The following ENTPD6 variants were observed in gnomAD, a reference collection of about 807,000 sequenced individuals.
The protein encoded by ENTPD6 is CD39 antigen-like 2.
In ENTPD6, 46 loss-of-function variants were observed where a neutral mutation model predicts 61.5. The ratio of observed to expected loss-of-function variants is 0.75; its 90% CI spans 0.59 to 0.96. The LOEUF (loss-of-function observed/expected upper bound fraction) is 0.96, where lower values mean the gene tolerates loss of function less well. ENTPD6 is among the 40% of genes least tolerant of loss of function. ENTPD6 has a pLI of 0.00. For missense variants in ENTPD6, 612 were observed against 629.0 expected (o/e 0.97, Z 0.29); for synonymous variants, 252 against 255.5 (o/e 0.99, Z 0.13).
chr20:25,209,549 C>T (rs574467765), intron 3 of ENTPD6, among the ~76,000 whole-genome samples: 12 of 147,120 alleles, frequency 8.2e-5, no homozygotes, highest in African/African-American at 3.0e-4. Context: ...AAGAGCCCTT[C>T]TCTTTAAAAA....
chr20:25,212,378 G>A (rs896421614), intron 4 of ENTPD6, among the ~76,000 whole-genome samples: 4 of 152,166 alleles, frequency 2.6e-5, no homozygotes, highest in African/African-American at 7.2e-5. Context: ...GAGATCGCCC[G>A]TGAGGATTGG....
chr20:25,207,533 G>A (rs2091609668), intron 3 of ENTPD6, 136 bp downstream of exon 3: 1 of 777,186 alleles, frequency 1.3e-6, no homozygotes, highest in Non-Finnish European at 1.9e-6. Context: ...GTATGGGCTG[G>A]GGTCCAAGCA....
chr20:25,225,075 C>T (rs536808294), intron 13 of ENTPD6, 130 bp from the exon 14 acceptor site: 25 of 1,416,514 alleles, frequency 1.8e-5, no homozygotes, highest in South Asian at 2.8e-5. Flanking sequence ...CGCTCAGCTG[C>T]GGCCTTGTCT....
rs891949302 is a variant in ENTPD6, at chr20:25,196,059, G to C, written c.-16+192G>C. ...GATGTCTGGGCTCCGCTGACCGGTG[G>C]GGGGCAAGTCCAGTGTTTTGGGCCA... On this transcript the variant is annotated intron_variant, in intron 1 of 14. Transcript: ENST00000376652. 3.6e-5 allele frequency: 33 copies of C among 908,482 alleles called. No homozygotes were observed. In the East Asian group the frequency reaches 1.0e-3, roughly 28 times the overall value. 56.3% of individuals were successfully genotyped at this position (908,482 alleles called of 1,614,324 possible).
intron 5 of ENTPD6, among the ~76,000 whole-genome samples, chr20:25,214,447 C>G (rs2092192836): frequency 6.6e-6 from 1 of 152,214 alleles, no homozygotes; most frequent in Non-Finnish European, 1.5e-5. Flanking sequence ...GTTTGGAGCC[C>G]AGCAGGCCCA....
At chr20:25,213,674 G>A (rs2092129081) in intron 5 of ENTPD6, among the ~76,000 whole-genome samples, 1 of 152,212 alleles carries the variant, frequency 6.6e-6, no homozygotes. Context: ...TGTGGGCCGG[G>A]CATGGTGGCT....
chr20:25,205,359 A>C (rs564167578), intron 1 of ENTPD6, among the ~76,000 whole-genome samples: 1 of 152,286 alleles, frequency 6.6e-6, no homozygotes, highest in South Asian at 2.1e-4. Context: ...ACACGGTGCC[A>C]GTGTGGTGGG....
chr20:25,225,710 C>T lies in ENTPD6; in HGVS notation c.*113C>T. The T allele has an allele frequency of 1.2e-6, 1 of 841,248 alleles. No individual in the cohort carries two copies. The highest frequency in any genetic ancestry group is 1.9e-6 in the Non-Finnish European group (1 of 522,412). The allele number at this position is 841,248 out of a possible 1,614,324, so 52.1% of individuals were successfully genotyped here. On this transcript the variant is annotated 3_prime_UTR_variant, in exon 15 of 15. Coordinates refer to ENST00000376652, the MANE Select transcript of ENTPD6 (RefSeq NM_001247.5). ...ACAGCACAGGCCGTGCTGGCACTTT[C>T]TGCACACTGGCTCTGGGACTTGCAG...
At chr20:25,208,939 C>T (rs191579456) in intron 3 of ENTPD6, among the ~76,000 whole-genome samples, 71 of 151,680 alleles carry the variant, frequency 4.7e-4, no homozygotes, top group East Asian at 2.3e-3. Flanking sequence ...TTTTTTGAGA[C>T]GGAGTCTCGC....
intron 4 of ENTPD6, among the ~76,000 whole-genome samples, chr20:25,210,279 A>G (rs2122863851): frequency 1.3e-5 from 2 of 152,346 alleles, no homozygotes; most frequent in Middle Eastern, 6.8e-3. Context: ...TAGTCTTGTG[A>G]ATTTTGCATA....
At chr20:25,203,359 T>A (rs2091195423) in intron 1 of ENTPD6, among the ~76,000 whole-genome samples, 1 of 152,268 alleles carries the variant, frequency 6.6e-6, no homozygotes, top group African/African-American at 2.4e-5. Context: ...TTCACATAAT[T>A]TCTCTGCCCC....
At chr20:25,202,802 G>A (rs2122562720) in intron 1 of ENTPD6, among the ~76,000 whole-genome samples, 1 of 152,296 alleles carries the variant, frequency 6.6e-6, no homozygotes. Context: ...ATTAAGTAGT[G>A]TTGCAGACCA....
chr20:25,224,773 A>C (rs138329305), intron 13 of ENTPD6: 1 of 177,924 alleles, frequency 5.6e-6, no homozygotes, highest in East Asian at 1.5e-4. Flanking sequence ...CAACTACAGC[A>C]GGAAAAGGCT....
At chr20:25,196,231 C>T in intron 1 of ENTPD6, 1 of 1,132,364 alleles carries the variant, frequency 8.8e-7, no homozygotes, top group South Asian at 4.4e-5. Context: ...GGGGAAGCTT[C>T]GCGTAGCAGT....
At chr20:25,218,708 C>A in intron 10 of ENTPD6, 94 bp downstream of exon 10, 2 of 1,317,354 alleles carry the variant, frequency 1.5e-6, no homozygotes, top group Non-Finnish European at 2.1e-6. Context: ...ACCAGCTTGG[C>A]CCTGCAGGAG....
At chr20:25,206,625 C>T (rs564296045) in intron 2 of ENTPD6, 35 bp downstream of exon 2, 57 of 1,518,208 alleles carry the variant, frequency 3.8e-5, no homozygotes, top group South Asian at 2.5e-4. Context: ...GCCCAAGGGA[C>T]GGAGTTTAAA....
chr20:25,197,253 C>G, intron 1 of ENTPD6: 1 of 985,158 alleles, frequency 1.0e-6, no homozygotes, highest in South Asian at 4.7e-5. Flanking sequence ...ATCTAGAAAG[C>G]CAACCAGGGG....
rs6138542 is a variant in ENTPD6, at chr20:25,227,137, C to G, written c.*1540C>G. Reference sequence around the variant, plus strand: ...CGAGTGCTTGTGCCTGAAGCCCCCCCCAACCAACTGTCACAGGAGGACAGG... The same window carrying G: ...CGAGTGCTTGTGCCTGAAGCCCCCCGCAACCAACTGTCACAGGAGGACAGG... On this transcript the variant is annotated 3_prime_UTR_variant, in exon 15 of 15. Coordinates refer to ENST00000376652, the MANE Select transcript of ENTPD6 (RefSeq NM_001247.5). 1.2e-4 allele frequency among the ~76,000 whole-genome samples: 19 copies of G among 152,228 alleles called. No individual in the cohort carries two copies. Among genetic ancestry groups the G allele is most frequent in the South Asian group, 6.2e-4 (3 of 4,820 alleles).
intron 13 of ENTPD6, chr20:25,224,564 T>A (rs1394612140): frequency 6.2e-6 from 1 of 161,736 alleles, no homozygotes; most frequent in East Asian, 1.8e-4. Context: ...CTCTCCACTG[T>A]CTCCTTCACG....
Sources: allele counts gnomAD v4.1 joint callset (sites outside exome capture counted in the v4.1 genomes callset), GRCh38; gene constraint gnomAD v4.1.1; transcripts MANE v1.5; gene names NCBI Gene and HGNC (gene_info 2026-07-23, HGNC 2026-07-21).